Variants in ABCA1 observed in about 807,000 individuals in gnomAD.
ABCA1 encodes the protein phospholipid-transporting ATPase ABCA1.
Under a neutral mutation model 262.5 loss-of-function variants are expected in ABCA1, and 133 were observed. The ratio of observed to expected loss-of-function variants is 0.51; its 90% confidence interval spans 0.44 to 0.59. ABCA1 has a LOEUF of 0.59. Among genes scored for constraint, ABCA1 ranks in the 20% least tolerant of loss-of-function variants. The pLI, the probability that ABCA1 is intolerant of heterozygous loss-of-function variation, is 0.00. For missense variants in ABCA1, 2,452 were observed against 2,777.5 expected, an observed-to-expected ratio of 0.88 and a Z score of 2.63; for synonymous variants, 1,022 against 1,043.5, an observed-to-expected ratio of 0.98 and a Z score of 0.40.
At position 104,840,166 on chromosome 9, in the gene ABCA1, T is replaced by C. The variant is rs902531046; in HGVS notation, c.1054+113A>G. 1.4e-5 allele frequency: 22 copies of C among 1,566,858 alleles called. No individual in the cohort carries two copies. The African/African-American group carries it at 2.8e-4, about 20-fold the overall frequency. On this transcript the variant is annotated intron_variant, in intron 9 of 49. Transcript: ENST00000374736. ...GGAAGAGCTCAGTCTGGTGGGCAAA[T>C]GGGCATGTAGACATCTAACGCTGCT...
chr9:104,913,544 C>T (rs1295181316), intron 1 of ABCA1, among the ~76,000 whole-genome samples: 1 of 152,204 alleles, frequency 6.6e-6, no homozygotes, highest in African/African-American at 2.4e-5. Context: ...AATCTCTTTT[C>T]TGTATTCTTT....
intron 21 of ABCA1, 85 bp from the exon 22 acceptor site, chr9:104,819,808 C>A (rs1832138466): frequency 5.6e-6 from 9 of 1,611,476 alleles, no homozygotes; most frequent in South Asian, 3.3e-5. Flanking sequence ...CAGCCAGGGA[C>A]AAGTTTCTGT....
intron 31 of ABCA1, 140 bp downstream of exon 31, chr9:104,806,101 C>T: frequency 1.1e-6 from 1 of 891,092 alleles, no homozygotes; most frequent in Non-Finnish European, 1.7e-6. Context: ...CAAGACTCCG[C>T]CTCAGAAAAA....
chr9:104,819,643 C>T lies in ABCA1; in HGVS notation c.3184G>A (p.Gly1062Ser). 1 of 1,614,164 alleles carries T rather than the reference C, an allele frequency of 6.2e-7. No individual in the cohort carries two copies. ...KVVILDEPTA[G>S]VDPYSRRGIW... is the part of the protein sequence containing the mutation. Reference sequence around the variant, plus strand: ...CCCCTGCGGGAGTAAGGGTCCACACCAGCTGTGGGTTCATCCAGAATGACA... The same window carrying T: ...CCCCTGCGGGAGTAAGGGTCCACACTAGCTGTGGGTTCATCCAGAATGACA... The change falls in exon 22 of 50, where the codon GGT becomes AGT. Residue 1062 changes from glycine (G) to serine (S), a missense_variant. Transcript: ENST00000374736.
At chr9:104,827,223 C>T in intron 15 of ABCA1, 54 bp from the exon 16 acceptor site, 1 of 1,428,084 alleles carries the variant, frequency 7.0e-7, no homozygotes, top group Non-Finnish European at 9.8e-7. Flanking sequence ...CAAGCACTCA[C>T]TTGTATGATC....
chr9:104,821,129 G>C (rs1222511213), intron 20 of ABCA1, among the ~76,000 whole-genome samples: 1 of 152,134 alleles, frequency 6.6e-6, no homozygotes, highest in Admixed American at 6.5e-5. Flanking sequence ...TAGAGTCCCA[G>C]CTACTCGGGA....
intron 1 of ABCA1, 119 bp from the exon 2 acceptor site, chr9:104,903,890 G>A: frequency 1.6e-6 from 1 of 611,278 alleles, no homozygotes. Context: ...TCTGCATCAT[G>A]ACTGCTTCTC....
chr9:104,848,676 G>C (rs1835112563), intron 7 of ABCA1, among the ~76,000 whole-genome samples: 1 of 151,856 alleles, frequency 6.6e-6, no homozygotes, highest in African/African-American at 2.4e-5. Flanking sequence ...AGAAGTTTAA[G>C]AGTGTGATCC....
intron 8 of ABCA1, among the ~76,000 whole-genome samples, chr9:104,844,765 C>T (rs904667259): frequency 2.6e-5 from 4 of 152,212 alleles, no homozygotes; most frequent in Non-Finnish European, 5.9e-5. Context: ...TGCCCCCTGG[C>T]TCAGCTTCCT....
intron 30 of ABCA1, among the ~76,000 whole-genome samples, chr9:104,806,855 T>C (rs1830813609): frequency 6.6e-6 from 1 of 151,994 alleles, no homozygotes; most frequent in African/African-American, 2.4e-5. Flanking sequence ...AATACACTAA[T>C]AAGATAACCT....
At position 104,816,180 on chromosome 9, in the gene ABCA1, A is replaced by G. The variant is rs1342730733; in HGVS notation, c.3701T>C (p.Ile1234Thr). The G allele has an allele frequency of 6.2e-7, 1 of 1,614,068 alleles. No homozygotes were observed. Among genetic ancestry groups the G allele is most frequent in the Non-Finnish European group, 8.5e-7 (1 of 1,180,058 alleles). The stretch of plus-strand genomic sequence containing the variant: ...CGTCTCTGAGATGCCATAACTAGAA[A>G]TGCCCAGGTCTGAGAGCCGGTCATC... Reference protein sequence around the residue: ...EIDDRLSDLGISSYGISETTL... With the variant: ...EIDDRLSDLGTSSYGISETTL... The change falls in exon 25 of 50, where the codon ATT becomes ACT. Residue 1234 changes from isoleucine to threonine, a missense_variant. Around this residue, in one of 4 missense-constraint regions of ABCA1, gnomAD observed 665 missense variants for 727.3 expected, o/e 0.91. Transcript: ENST00000374736.
At chr9:104,794,628 T>C in intron 39 of ABCA1, 118 bp from the exon 40 acceptor site, 3 of 1,271,658 alleles carry the variant, frequency 2.4e-6, no homozygotes, top group Non-Finnish European at 3.2e-6. Flanking sequence ...AAGAAAAAAT[T>C]TGATTCTCTA....
chr9:104,845,644 A>G (rs1331439456), intron 7 of ABCA1, 75 bp from the exon 8 acceptor site: 1 of 1,024,168 alleles, frequency 9.8e-7, no homozygotes, highest in Non-Finnish European at 1.5e-6. Flanking sequence ...AAACAAGTGA[A>G]TTAAAACTGT....
chr9:104,799,078 A>T (rs1830123554), intron 36 of ABCA1, among the ~76,000 whole-genome samples: 1 of 152,204 alleles, frequency 6.6e-6, no homozygotes, highest in Non-Finnish European at 1.5e-5. Context: ...AACACATACA[A>T]AAATTCTGTC....
At chr9:104,896,711 C>CTTTTTTTTTTTTTTTTTTTTTTTTT (rs56710442) in intron 2 of ABCA1, among the ~76,000 whole-genome samples, 1 of 36,988 alleles carries the variant, frequency 2.7e-5, no homozygotes, top group African/African-American at 1.1e-4. Context: ...CCCTACACAT[C>CTTTTTTTTTTTTTTTTTTTTTTTTT]TTTTTTTTTT....
intron 25 of ABCA1, 62 bp downstream of exon 25, chr9:104,816,081 C>A: frequency 6.4e-7 from 1 of 1,558,148 alleles, no homozygotes; most frequent in Non-Finnish European, 8.8e-7. Context: ...ATGCAGGCTA[C>A]TGGTCTGGCC....
intron 2 of ABCA1, among the ~76,000 whole-genome samples, chr9:104,900,194 C>T (rs902384110): frequency 2.0e-5 from 3 of 152,096 alleles, no homozygotes; most frequent in African/African-American, 7.2e-5. Context: ...CTGAACATAG[C>T]GTTTCTAGTC....
chr9:104,917,655 G>A (rs1381246783), intron 1 of ABCA1, among the ~76,000 whole-genome samples: 2 of 152,146 alleles, frequency 1.3e-5, no homozygotes, highest in East Asian at 3.9e-4. Flanking sequence ...TAGGGAGGCT[G>A]AGGCAGGAGA....
intron 1 of ABCA1, among the ~76,000 whole-genome samples, chr9:104,913,345 C>A (rs1368022609): frequency 6.6e-6 from 1 of 152,200 alleles, no homozygotes; most frequent in Non-Finnish European, 1.5e-5. Flanking sequence ...TACTCACCAG[C>A]TCTGGAACCC....
Sources: gnomAD v4.1 joint callset for allele counts (sites outside exome capture counted in the v4.1 genomes callset) on GRCh38, gnomAD v4.1.1 for gene constraint, gnomAD v4.1.1 regional missense constraint, MANE v1.5 for transcripts, NCBI Gene and HGNC (gene_info 2026-07-23, HGNC 2026-07-21) for gene names.